PHLPP1: variants seen among roughly 807,000 people sequenced by gnomAD.
The protein encoded by PHLPP1 is PH domain and leucine rich repeat protein phosphatase 1.
PHLPP1 carries 42 observed loss-of-function variants against 117.2 expected under a neutral mutation model. That is an observed-to-expected ratio of 0.36 (90% CI 0.28 to 0.46). PHLPP1 has a LOEUF of 0.46. Ranked by LOEUF, PHLPP1 falls within the 20% of genes least tolerant of loss-of-function variation. PHLPP1 has a pLI of 1.00. For missense variants in PHLPP1, 2,084 were observed against 2,241.9 expected (o/e 0.93, Z 1.42); for synonymous variants, 1,042 against 970.7 (o/e 1.07, Z -1.37).
intron 1 of PHLPP1, among the ~76,000 whole-genome samples, chr18:62,721,179 CATG>C (rs1413976740): frequency 6.6e-6 from 1 of 152,078 alleles, no homozygotes; most frequent in Non-Finnish European, 1.5e-5. Context: ...TTCTGTTTAT[CATG>C]GTGCCTTTAA....
intron 10 of PHLPP1, among the ~76,000 whole-genome samples, chr18:62,937,137 A>G (rs1291262099): frequency 6.6e-6 from 1 of 152,240 alleles, no homozygotes; most frequent in African/African-American, 2.4e-5. Flanking sequence ...TGGCTGTAAA[A>G]TTTAAGGGTG....
At chr18:62,842,098 G>C (rs1247688906) in intron 3 of PHLPP1, among the ~76,000 whole-genome samples, 2 of 152,130 alleles carry the variant, frequency 1.3e-5, no homozygotes, top group African/African-American at 4.8e-5. Context: ...CTGGCACATA[G>C]TAAGTGAGTA....
intron 1 of PHLPP1, among the ~76,000 whole-genome samples, chr18:62,794,918 T>C (rs1159529516): frequency 1.3e-5 from 2 of 152,064 alleles, no homozygotes; most frequent in Non-Finnish European, 1.5e-5. Context: ...AAGGATTAAG[T>C]AGATGGAGTA....
chr18:62,846,854 A>G (rs1915195363), intron 3 of PHLPP1, among the ~76,000 whole-genome samples: 1 of 152,190 alleles, frequency 6.6e-6, no homozygotes, highest in African/African-American at 2.4e-5. Context: ...TGATCTCTTT[A>G]CAGATATAAT....
At chr18:62,733,376 A>G (rs969595947) in intron 1 of PHLPP1, among the ~76,000 whole-genome samples, 3 of 152,206 alleles carry the variant, frequency 2.0e-5, no homozygotes, top group Admixed American at 6.5e-5. Flanking sequence ...ATTGTGCTTT[A>G]TATGTAATGC....
chr18:62,795,752 C>T (rs891659674), intron 1 of PHLPP1, among the ~76,000 whole-genome samples: 28 of 152,174 alleles, frequency 1.8e-4, no homozygotes, highest in African/African-American at 6.8e-4. Flanking sequence ...TCACTACTCT[C>T]AGACTTTTAA....
chr18:62,756,612 A>G (rs940746719), intron 1 of PHLPP1, among the ~76,000 whole-genome samples: 2 of 152,154 alleles, frequency 1.3e-5, no homozygotes, highest in Non-Finnish European at 2.9e-5. Flanking sequence ...GCTCTTGGCC[A>G]TATGCTGCTG....
At chr18:62,792,909 G>A (rs761384314) in intron 1 of PHLPP1, among the ~76,000 whole-genome samples, 3 of 147,498 alleles carry the variant, frequency 2.0e-5, no homozygotes, top group Non-Finnish European at 3.0e-5. Flanking sequence ...GCACAGTGGC[G>A]CATGGCTGTA....
chr18:62,853,563 T>C (rs572322485), intron 3 of PHLPP1, among the ~76,000 whole-genome samples: 40 of 152,096 alleles, frequency 2.6e-4, no homozygotes, highest in Non-Finnish European at 5.0e-4. Context: ...AGAGATGGAG[T>C]TTCCCCATGT....
At chr18:62,778,287 A>G (rs1913020528) in intron 1 of PHLPP1, among the ~76,000 whole-genome samples, 2 of 152,196 alleles carry the variant, frequency 1.3e-5, no homozygotes, top group South Asian at 4.1e-4. Flanking sequence ...CAGCGCTGGA[A>G]ATCATTGACT....
chr18:62,905,249 A>G lies in PHLPP1; in HGVS notation c.2673A>G (p.Pro891=), dbSNP rs1916817615. The G allele has an allele frequency of 1.3e-6, 2 of 1,549,730 alleles. No individual in the cohort carries two copies. Among genetic ancestry groups the G allele is most frequent in the South Asian group, 1.3e-5 (1 of 75,050 alleles). ...AACTTGTTCAACTTGATGTTTACCCAGTTCCAAATTATCTGTCCTACATGG... is the reference window on the plus strand; with the variant it reads ...AACTTGTTCAACTTGATGTTTACCCGGTTCCAAATTATCTGTCCTACATGG... ...SNELVQLDVY[P]VPNYLSYMDV... is the part of the protein sequence containing the mutation. Residue 891 remains proline, a synonymous_variant, in exon 8 of 17, where the codon CCA becomes CCG. Transcript: ENST00000262719.
At chr18:62,816,409 C>CA (rs1380726552) in intron 1 of PHLPP1, among the ~76,000 whole-genome samples, 1 of 151,870 alleles carries the variant, frequency 6.6e-6, no homozygotes, top group Admixed American at 6.6e-5. Context: ...ACTAAAAATA[C>CA]AAAAAAATTT....
At chr18:62,804,406 T>C (rs1913878949) in intron 1 of PHLPP1, among the ~76,000 whole-genome samples, 1 of 152,012 alleles carries the variant, frequency 6.6e-6, no homozygotes, top group Admixed American at 6.6e-5. Context: ...TTTATTGGGT[T>C]GCCCTTTTTC....
intron 4 of PHLPP1, among the ~76,000 whole-genome samples, chr18:62,864,785 C>T (rs1209298171): frequency 6.6e-6 from 1 of 152,228 alleles, no homozygotes; most frequent in Non-Finnish European, 1.5e-5. Flanking sequence ...TTACCCATCC[C>T]TTTTATTTCT....
intron 2 of PHLPP1, among the ~76,000 whole-genome samples, chr18:62,832,958 A>G (rs569559051): frequency 2.0e-5 from 3 of 152,228 alleles, no homozygotes; most frequent in Non-Finnish European, 2.9e-5. Flanking sequence ...GCTGTTAAAT[A>G]AAACTCTCAA....
intron 3 of PHLPP1, among the ~76,000 whole-genome samples, chr18:62,849,830 A>ATATATATAT (rs1465429883): frequency 4.7e-5 from 1 of 21,208 alleles, no homozygotes; most frequent in Non-Finnish European, 9.6e-5. Context: ...AAAAAAAAAA[A>ATATATATAT]AAATATATAT....
At chr18:62,971,506 AT>A (rs1003261580) in intron 14 of PHLPP1, among the ~76,000 whole-genome samples, 11 of 151,694 alleles carry the variant, frequency 7.3e-5, no homozygotes. Flanking sequence ...GGGAACCACT[AT>A]CCTCCTCCAG....
intron 3 of PHLPP1, among the ~76,000 whole-genome samples, chr18:62,851,744 C>T (rs1915356544): frequency 6.6e-6 from 1 of 151,996 alleles, no homozygotes; most frequent in South Asian, 2.1e-4. Context: ...CAGGCGTGAG[C>T]CACTGTGCCC....
intron 4 of PHLPP1, among the ~76,000 whole-genome samples, chr18:62,893,088 C>A (rs561361866): frequency 6.6e-6 from 1 of 151,188 alleles, no homozygotes; most frequent in South Asian, 2.1e-4. Context: ...ATCGCCCAGG[C>A]TGGAGTGCAG....
Sources: gnomAD v4.1 joint callset for allele counts (sites outside exome capture counted in the v4.1 genomes callset) on GRCh38, gnomAD v4.1.1 for gene constraint, MANE v1.5 for transcripts, NCBI Gene and HGNC (gene_info 2026-07-23, HGNC 2026-07-21) for gene names.